The following SUSD6 variants were observed in gnomAD, a reference collection of about 807,000 sequenced individuals.
The protein encoded by SUSD6 is sushi domain-containing protein 6.
SUSD6 carries 16 observed loss-of-function variants against 28.4 expected under a neutral mutation model. The ratio of observed to expected loss-of-function variants is 0.56; its 90% confidence interval spans 0.38 to 0.86. The LOEUF (loss-of-function observed/expected upper bound fraction) is 0.86, where lower values mean the gene tolerates loss of function less well. SUSD6 is among the 40% of genes least tolerant of loss of function. SUSD6 has a pLI of 0.00. For missense variants in SUSD6, 341 were observed against 384.2 expected (o/e 0.89, Z 0.94); for synonymous variants, 147 against 159.6 (o/e 0.92, Z 0.59).
At chr14:69,620,936 C>T (rs548396640) in intron 1 of SUSD6, among the ~76,000 whole-genome samples, 59 of 152,286 alleles carry the variant, frequency 3.9e-4, no homozygotes, top group African/African-American at 1.3e-3. Context: ...TTCCATCTCC[C>T]TCAAGCCTCA....
chr14:69,704,439 G>C (rs530836268), intron 3 of SUSD6, among the ~76,000 whole-genome samples, 165 bp from the exon 4 acceptor site: 4 of 152,306 alleles, frequency 2.6e-5, no homozygotes, highest in Non-Finnish European at 5.9e-5. Context: ...CAAAAGAACT[G>C]TGTATACATA....
intron 1 of SUSD6, among the ~76,000 whole-genome samples, chr14:69,633,228 A>T (rs1283253790): frequency 2.6e-5 from 4 of 152,208 alleles, no homozygotes; most frequent in African/African-American, 9.7e-5. Flanking sequence ...CCTGTTTTTC[A>T]TGGCTGTGCA....
chr14:69,714,343 G>C lies in SUSD6; in HGVS notation c.*3364G>C, dbSNP rs1886515017. 6.6e-6 allele frequency: 1 copy of C among 152,132 alleles called. No homozygotes were observed. Among genetic ancestry groups the C allele is most frequent in the Admixed American group, 6.5e-5 (1 of 15,272 alleles). The allele number at this position is 152,132 out of a possible 1,614,324, so 9.4% of individuals were successfully genotyped here. ...TCCCAGCTGAGCCCTCAGACCACTT[G>C]CTTCCCACATAACAATGTCGCCTCC... is the stretch of plus-strand genomic sequence containing the variant. On this transcript the variant is annotated 3_prime_UTR_variant, in exon 6 of 6. Coordinates refer to ENST00000342745, the MANE Select transcript of SUSD6 (RefSeq NM_014734.4).
Position 69,612,056 on chromosome 14 carries a change from A to G in SUSD6, c.-81+228A>G, listed in dbSNP as rs1432503938. On this transcript the variant is annotated intron_variant, in intron 1 of 5. Transcript: ENST00000342745. ...GCTGGCGTGGCGCGGCCAGCCGGCC[A>G]GCAGTGGGGGCTGCGCGGCCGGGGG... 9.3e-5 allele frequency among the ~76,000 whole-genome samples: 14 copies of G among 150,136 alleles called. 1 individual carries two copies. The East Asian group carries it at 2.7e-3, about 29-fold the overall frequency.
intron 1 of SUSD6, among the ~76,000 whole-genome samples, chr14:69,644,296 T>C (rs1371714666): frequency 6.6e-6 from 1 of 152,224 alleles, no homozygotes. Flanking sequence ...ATGTTTCTTC[T>C]TCATCTTCTC....
At chr14:69,676,570 G>GT (rs1157209294) in intron 2 of SUSD6, among the ~76,000 whole-genome samples, 1 of 152,004 alleles carries the variant, frequency 6.6e-6, no homozygotes, top group African/African-American at 2.4e-5. Flanking sequence ...TAAAAAAATT[G>GT]TTTTTTTAGA....
chr14:69,670,636 A>G, intron 2 of SUSD6: 1 of 425,470 alleles, frequency 2.4e-6, no homozygotes, highest in Non-Finnish European at 4.9e-6. Flanking sequence ...AAGTTTCTCG[A>G]ACTCTACGTC....
intron 1 of SUSD6, among the ~76,000 whole-genome samples, chr14:69,651,266 G>A (rs998598289): frequency 2.6e-5 from 4 of 152,182 alleles, no homozygotes; most frequent in Admixed American, 1.3e-4. Context: ...ACTTAGGTGG[G>A]GTGGTAGTGT....
intron 2 of SUSD6, among the ~76,000 whole-genome samples, chr14:69,668,237 A>G (rs1885774203): frequency 1.3e-5 from 2 of 152,346 alleles, no homozygotes; most frequent in African/African-American, 4.8e-5. Flanking sequence ...GGCCCAGGCA[A>G]CCTGCCTAGA....
rs1886418917 is a variant in SUSD6, at chr14:69,708,736, C to T, written c.518C>T (p.Ala173Val). ...VSIMVDGVQV[A>V]LPSYEEAVYG... ...ATCATGGTGGATGGAGTCCAGGTTG[C>T]ACTACCATCATACGAGGAGGCTGTA... The change falls in exon 5 of 6, where the codon GCA (alanine) becomes GTA (valine). Residue 173 changes from alanine to valine, a missense_variant. Ala to Val is a moderately conservative substitution (Grantham distance 64, BLOSUM62 0). Transcript: ENST00000342745. 3 of 1,612,564 alleles carry T rather than the reference C, an allele frequency of 1.9e-6. No individual in the cohort carries two copies. Among genetic ancestry groups the T allele is most frequent in the East Asian group, 2.2e-5 (1 of 44,876 alleles).
At chr14:69,692,030 C>A (rs1459949299) in intron 2 of SUSD6, among the ~76,000 whole-genome samples, 1 of 146,168 alleles carries the variant, frequency 6.8e-6, no homozygotes, top group African/African-American at 2.6e-5. Flanking sequence ...CAGAGTGAGA[C>A]TCCGTCTCAA....
rs541053892 is a variant in SUSD6 at position 69,644,130 on chromosome 14, G to A, written c.-80-14383G>A. Among the ~76,000 whole-genome samples, 13 of 152,150 alleles carry A rather than the reference G, an allele frequency of 8.5e-5. 2 individuals carry two copies. The Middle Eastern group carries it at 0.031, about 358-fold the overall frequency. Reference sequence around the variant, plus strand: ...ATACAGTAGACCGTAAACTCTTAAGGGCGTATGCTTCCTTTACCTCTCAAG... The same window carrying A: ...ATACAGTAGACCGTAAACTCTTAAGAGCGTATGCTTCCTTTACCTCTCAAG... On this transcript the variant is annotated intron_variant, in intron 1 of 5. Coordinates refer to ENST00000342745, the MANE Select transcript of SUSD6 (RefSeq NM_014734.4).
At chr14:69,695,877 A>G (rs1886218040) in intron 2 of SUSD6, among the ~76,000 whole-genome samples, 1 of 152,078 alleles carries the variant, frequency 6.6e-6, no homozygotes, top group Admixed American at 6.5e-5. Context: ...TTCAGAAGAA[A>G]CCTTTTGACC....
At chr14:69,666,600 T>G (rs1201204496) in intron 2 of SUSD6, among the ~76,000 whole-genome samples, 1 of 152,252 alleles carries the variant, frequency 6.6e-6, no homozygotes, top group Non-Finnish European at 1.5e-5. Context: ...CTCTTGCTTT[T>G]CGTAGCTATA....
intron 1 of SUSD6, among the ~76,000 whole-genome samples, chr14:69,653,564 A>G (rs1416855893): frequency 6.6e-6 from 1 of 152,072 alleles, no homozygotes; most frequent in Non-Finnish European, 1.5e-5. Flanking sequence ...CCTTGTGAGG[A>G]TGGCCGAGTG....
At chr14:69,671,326 A>G (rs2139623049) in intron 2 of SUSD6, among the ~76,000 whole-genome samples, 1 of 152,356 alleles carries the variant, frequency 6.6e-6, no homozygotes, top group East Asian at 1.9e-4. Flanking sequence ...GATGAGAAGA[A>G]TAGCAGTGGG....
chr14:69,648,310 G>C (rs1026471318), intron 1 of SUSD6, among the ~76,000 whole-genome samples: 2 of 152,228 alleles, frequency 1.3e-5, no homozygotes, highest in African/African-American at 2.4e-5. Context: ...ATCACGCAGA[G>C]AGATGAAGCA....
chr14:69,623,523 T>A (rs899270829), intron 1 of SUSD6, among the ~76,000 whole-genome samples: 2 of 152,230 alleles, frequency 1.3e-5, no homozygotes, highest in East Asian at 3.8e-4. Context: ...CTATACCATG[T>A]TTTTTGTCAT....
At chr14:69,688,027 G>T (rs1886099110) in intron 2 of SUSD6, among the ~76,000 whole-genome samples, 12 of 151,978 alleles carry the variant, frequency 7.9e-5, no homozygotes, top group Admixed American at 7.2e-4. Flanking sequence ...TTATGAATTT[G>T]TATGCCCTTT....
Sources: allele counts gnomAD v4.1 joint callset (sites outside exome capture counted in the v4.1 genomes callset), GRCh38; gene constraint gnomAD v4.1.1; transcripts MANE v1.5; gene names NCBI Gene and HGNC (gene_info 2026-07-23, HGNC 2026-07-21).